Variants in COLEC10 observed in about 807,000 individuals in gnomAD.
COLEC10 encodes the protein collectin subfamily member 10.
In COLEC10, 22 loss-of-function variants were observed where a neutral mutation model predicts 28.4. The observed-to-expected ratio is 0.78, with a 90% CI of 0.55 to 1.11. COLEC10 has a LOEUF of 1.11. COLEC10 is among the 50% of genes least tolerant of loss of function. COLEC10 has a pLI of 0.00. For missense variants in COLEC10, 361 were observed against 344.1 expected, an observed-to-expected ratio of 1.05 and a Z score of -0.39; for synonymous variants, 125 against 116.1, an observed-to-expected ratio of 1.08 and a Z score of -0.49.
chr8:118,978,331 A>G, the COLEC10 span, among the ~76,000 whole-genome samples: 1 of 152,122 alleles, frequency 6.6e-6, no homozygotes, highest in South Asian at 2.1e-4. Flanking sequence ...GTCAAATTAG[A>G]AGTCTCAAAT....
chr8:119,056,011 TCTC>T (rs1275504149), intron 2 of COLEC10, among the ~76,000 whole-genome samples: 6 of 152,094 alleles, frequency 3.9e-5, no homozygotes, highest in South Asian at 2.1e-4. Context: ...TTCATCTACT[TCTC>T]CTCACAATTT....
chr8:119,087,452 G>A (rs536201103), intron 1 of COLEC10, among the ~76,000 whole-genome samples: 47 of 152,258 alleles, frequency 3.1e-4, no homozygotes, highest in Admixed American at 1.0e-3. Context: ...GAAAAAAAGT[G>A]TAATTTTTGT....
intron 1 of COLEC10, among the ~76,000 whole-genome samples, chr8:119,001,108 C>T (rs1333266291): frequency 1.3e-5 from 2 of 152,066 alleles, no homozygotes; most frequent in African/African-American, 4.8e-5. Context: ...AGAATCGAAA[C>T]TTAAGTCAGA....
At chr8:118,967,344 G>A in the COLEC10 span, among the ~76,000 whole-genome samples, 1 of 152,064 alleles carries the variant, frequency 6.6e-6, no homozygotes, top group Non-Finnish European at 1.5e-5. Context: ...GTCTGCATAG[G>A]CAGCTCTTGC....
chr8:118,958,325 C>T, the COLEC10 span, among the ~76,000 whole-genome samples: 6 of 152,338 alleles, frequency 3.9e-5, no homozygotes, highest in South Asian at 2.1e-4. Context: ...GTAGGAAAGA[C>T]GTTGTCTGTG....
intron 2 of COLEC10, among the ~76,000 whole-genome samples, chr8:119,047,160 A>G (rs753373859): frequency 6.6e-6 from 1 of 152,184 alleles, no homozygotes; most frequent in Non-Finnish European, 1.5e-5. Flanking sequence ...AAGAAATAAT[A>G]CATCATTATC....
the COLEC10 span, among the ~76,000 whole-genome samples, chr8:118,966,144 C>T: frequency 1.3e-5 from 2 of 151,886 alleles, no homozygotes; most frequent in African/African-American, 2.4e-5. Context: ...TTAATGGAAA[C>T]AATAGAGTTT....
upstream of COLEC10, among the ~76,000 whole-genome samples, chr8:118,993,938 G>A (rs185297024): frequency 2.0e-5 from 3 of 152,280 alleles, no homozygotes; most frequent in African/African-American, 4.8e-5. Context: ...TATTGATTCA[G>A]TAGACCAAGG....
At chr8:119,047,205 T>C (rs908044125) in intron 2 of COLEC10, among the ~76,000 whole-genome samples, 2 of 152,182 alleles carry the variant, frequency 1.3e-5, no homozygotes, top group African/African-American at 4.8e-5. Context: ...AAAAGCGTAT[T>C]TGTATCTGTA....
intron 1 of COLEC10, among the ~76,000 whole-genome samples, chr8:119,077,243 A>AT (rs762180766): frequency 0.035 from 3,185 of 90,108 alleles, 226 homozygotes; most frequent in South Asian, 0.072. Flanking sequence ...GTAGAGAATG[A>AT]TTTTTTTTTT....
the COLEC10 span, among the ~76,000 whole-genome samples, chr8:118,968,847 C>G: frequency 6.6e-6 from 1 of 151,896 alleles, no homozygotes; most frequent in Non-Finnish European, 1.5e-5. Context: ...GTTCAACTCC[C>G]ACTTGTGAGT....
chr8:119,046,853 A>G (rs138050856), intron 2 of COLEC10, among the ~76,000 whole-genome samples: 120 of 152,352 alleles, frequency 7.9e-4, no homozygotes, highest in African/African-American at 2.8e-3. Context: ...AATTTTATCT[A>G]AACATGATCA....
chr8:119,042,588 T>C (rs954641669), intron 2 of COLEC10, among the ~76,000 whole-genome samples: 6 of 152,048 alleles, frequency 3.9e-5, no homozygotes, highest in African/African-American at 1.2e-4. Flanking sequence ...ACACATCCCC[T>C]TTTTGCTGCT....
chr8:119,052,049 A>C lies in COLEC10; in HGVS notation n.236-37631A>C, dbSNP rs142845583. Reference sequence around the variant, plus strand: ...TAAAATGAATGACCTTTCTGGGGTAACTTTATTAGCCCCTGAGTACCTGGT... The same window carrying C: ...TAAAATGAATGACCTTTCTGGGGTACCTTTATTAGCCCCTGAGTACCTGGT... On this transcript the variant is annotated intron_variant and non_coding_transcript_variant, in intron 2 of 6. Coordinates refer to the COLEC10 transcript ENST00000521788. Among the ~76,000 whole-genome samples, 6 of 152,294 alleles carry C rather than the reference A, an allele frequency of 3.9e-5. 1 individual carries two copies. The highest frequency in any genetic ancestry group is 1.4e-4 in the African/African-American group (6 of 41,570).
chr8:118,986,219 A>G, the COLEC10 span, among the ~76,000 whole-genome samples: 19 of 152,344 alleles, frequency 1.2e-4, no homozygotes, highest in South Asian at 3.9e-3. Flanking sequence ...TATAACTAGT[A>G]AAGATATGGA....
At chr8:119,101,352 T>G (rs1469419230) in intron 3 of COLEC10, among the ~76,000 whole-genome samples, 3 of 152,218 alleles carry the variant, frequency 2.0e-5, no homozygotes, top group African/African-American at 4.8e-5. Context: ...TCCCTTTTGA[T>G]TCTCAAGAAC....
At position 119,072,536 on chromosome 8, in the gene COLEC10, G is replaced by C. The variant is rs567509469; in HGVS notation, c.148+5107G>C. Among the ~76,000 whole-genome samples, 4 of 152,250 alleles carry C rather than the reference G, an allele frequency of 2.6e-5. No homozygotes were observed. In the East Asian group the frequency reaches 7.7e-4, roughly 29 times the overall value. On this transcript the variant is annotated intron_variant, in intron 1 of 5. Coordinates refer to ENST00000332843, the MANE Select transcript of COLEC10 (RefSeq NM_006438.5). The stretch of plus-strand genomic sequence containing the variant: ...TAAGTCACTAGCTCAAGGCCACAGA[G>C]CCAGAAGAGGAAATTAAAACCCAGT...
At chr8:119,095,747 T>C (rs1815702368) in intron 3 of COLEC10, among the ~76,000 whole-genome samples, 1 of 152,104 alleles carries the variant, frequency 6.6e-6, no homozygotes, top group Non-Finnish European at 1.5e-5. Flanking sequence ...CCAGAAGTGT[T>C]CTTTTAGAAA....
chr8:119,021,643 C>G (rs539345039), intron 2 of COLEC10, among the ~76,000 whole-genome samples: 1 of 152,218 alleles, frequency 6.6e-6, no homozygotes, highest in African/African-American at 2.4e-5. Flanking sequence ...TTGGGAAGAG[C>G]CATCCTTGGC....
Sources: allele counts gnomAD v4.1 joint callset (sites outside exome capture counted in the v4.1 genomes callset), GRCh38; gene constraint gnomAD v4.1.1; transcripts MANE v1.5; gene names NCBI Gene and HGNC (gene_info 2026-07-23, HGNC 2026-07-21).